Variants in DNAH14 observed in about 807,000 individuals in gnomAD.
DNAH14 encodes the protein dynein axonemal heavy chain 14.
In DNAH14, 478 loss-of-function variants were observed where a neutral mutation model predicts 520.9. The observed-to-expected ratio is 0.92, with a 90% CI of 0.85 to 0.99. The LOEUF (loss-of-function observed/expected upper bound fraction) is 0.99, where lower values mean the gene tolerates loss of function less well. Ranked by LOEUF, DNAH14 falls within the 50% of genes least tolerant of loss-of-function variation. The pLI, the probability that DNAH14 is intolerant of heterozygous loss-of-function variation, is 0.00. For synonymous variants in DNAH14, 1,581 were observed against 1,757.2 expected, an observed-to-expected ratio of 0.90 and a Z score of 2.51; for missense variants, 4,831 against 5,234.5, an observed-to-expected ratio of 0.92 and a Z score of 2.38.
intron 60 of DNAH14, among the ~76,000 whole-genome samples, chr1:225,313,531 T>G (rs954060985): frequency 3.3e-4 from 51 of 152,302 alleles, no homozygotes; most frequent in African/African-American, 1.2e-3. Flanking sequence ...AATTGTGATG[T>G]TAGGGTGTTG....
intron 66 of DNAH14, among the ~76,000 whole-genome samples, chr1:225,335,149 ACAT>A (rs1558423483): frequency 7.0e-6 from 1 of 142,892 alleles, no homozygotes; most frequent in African/African-American, 2.6e-5. Context: ...GCACATGTGT[ACAT>A]GTGTGCATGT....
chr1:224,958,157 G>A (rs545292064), intron 3 of DNAH14, among the ~76,000 whole-genome samples: 18 of 152,190 alleles, frequency 1.2e-4, no homozygotes, highest in African/African-American at 4.3e-4. Context: ...TGTTCCCTGG[G>A]AAGTAGGCTT....
intron 43 of DNAH14, among the ~76,000 whole-genome samples, chr1:225,245,100 A>G (rs144181633): frequency 1.2e-4 from 18 of 152,252 alleles, no homozygotes; most frequent in Non-Finnish European, 1.9e-4. Context: ...TTATTTGATT[A>G]TTTACCCAGT....
At chr1:225,233,521 C>T (rs1285634347) in intron 42 of DNAH14, among the ~76,000 whole-genome samples, 1 of 152,136 alleles carries the variant, frequency 6.6e-6, no homozygotes, top group Non-Finnish European at 1.5e-5. Context: ...GTGATGGTAG[C>T]TCGTTGTGGT....
At chr1:225,078,491 A>G (rs3105558) in intron 17 of DNAH14, among the ~76,000 whole-genome samples, 121,326 of 152,122 alleles carry the variant, frequency 0.8, 51,753 homozygotes, top group Non-Finnish European at 0.96. Context: ...TTATATGTGG[A>G]ATACATTCAA....
intron 55 of DNAH14, among the ~76,000 whole-genome samples, chr1:225,295,776 G>A (rs866757736): frequency 1.3e-5 from 2 of 152,096 alleles, no homozygotes; most frequent in South Asian, 2.1e-4. Flanking sequence ...TTGGTCTATG[G>A]TGCAATTTAA....
intron 53 of DNAH14, among the ~76,000 whole-genome samples, chr1:225,277,107 GGGA>G (rs1190794880): frequency 2.9e-5 from 3 of 104,048 alleles, no homozygotes; most frequent in African/African-American, 1.1e-4. Context: ...GGGGGAAAGG[GGGA>G]GGGGGGGAGG....
chr1:225,247,236 G>A (rs936967741), intron 43 of DNAH14, among the ~76,000 whole-genome samples: 4 of 152,048 alleles, frequency 2.6e-5, no homozygotes, highest in African/African-American at 9.7e-5. Context: ...CGGGGTGGGG[G>A]CAAGGGGAGG....
chr1:225,174,197 C>A (rs2083054259), intron 36 of DNAH14, among the ~76,000 whole-genome samples: 1 of 152,050 alleles, frequency 6.6e-6, no homozygotes, highest in Non-Finnish European at 1.5e-5. Context: ...ACCAACATGG[C>A]ACATGTATAC....
intron 11 of DNAH14, among the ~76,000 whole-genome samples, chr1:225,038,351 A>G (rs183129443): frequency 4.4e-4 from 67 of 152,098 alleles, no homozygotes; most frequent in Non-Finnish European, 8.1e-4. Flanking sequence ...AGTCTTCTTT[A>G]GGTTAAATCT....
chr1:225,214,391 C>G (rs12062189), intron 41 of DNAH14, among the ~76,000 whole-genome samples: 3 of 151,952 alleles, frequency 2.0e-5, no homozygotes, highest in Admixed American at 6.6e-5. Context: ...TGTCTCTGCC[C>G]AGCTTTGGTA....
intron 9 of DNAH14, among the ~76,000 whole-genome samples, chr1:225,004,816 C>G (rs1288867068): frequency 2.0e-5 from 3 of 151,958 alleles, no homozygotes; most frequent in Admixed American, 2.0e-4. Flanking sequence ...AGACTGACAA[C>G]GAGGATGTAA....
chr1:224,956,317 C>T lies in DNAH14; in HGVS notation c.217+1219C>T, dbSNP rs552645791. Among the ~76,000 whole-genome samples, 12 of 152,180 alleles carry T rather than the reference C, an allele frequency of 7.9e-5. No homozygotes were observed. In the East Asian group the frequency reaches 1.7e-3, roughly 22 times the overall value. On this transcript the variant is annotated intron_variant, in intron 3 of 85. Transcript: ENST00000682510. ...TAATATATAGTCATGTACTGCATAA[C>T]GACATTTTGGTCAATGATGGACTGA...
intron 22 of DNAH14, among the ~76,000 whole-genome samples, chr1:225,097,502 G>C (rs3105568): frequency 2.0e-5 from 3 of 151,942 alleles, no homozygotes; most frequent in African/African-American, 7.3e-5. Context: ...GGCTGGGCAC[G>C]TTCACTCACG....
chr1:224,951,120 G>A (rs1423137025), intron 1 of DNAH14, among the ~76,000 whole-genome samples: 2 of 152,052 alleles, frequency 1.3e-5, no homozygotes, highest in East Asian at 1.9e-4. Flanking sequence ...CTGCCTCCTG[G>A]GTTCTAGCGA....
chr1:225,350,501 C>A (rs184237206), intron 71 of DNAH14, among the ~76,000 whole-genome samples: 1 of 151,428 alleles, frequency 6.6e-6, no homozygotes, highest in Admixed American at 6.6e-5. Flanking sequence ...AATTTGCAAA[C>A]CTTGAGCTCA....
intron 54 of DNAH14, among the ~76,000 whole-genome samples, chr1:225,285,443 G>T (rs953319484): frequency 6.6e-6 from 1 of 152,130 alleles, no homozygotes; most frequent in African/African-American, 2.4e-5. Context: ...AGCTACTCAG[G>T]GTGACGCAGG....
In DNAH14 at chr1:224,929,745, C is replaced by A. The variant is rs2058551076; in HGVS notation, c.-124C>A. The A allele has an allele frequency of 1.4e-6, 1 of 702,248 alleles. No individual in the cohort carries two copies. Among genetic ancestry groups the A allele is most frequent in the Admixed American group, 2.0e-5 (1 of 49,996 alleles). The allele number at this position is 702,248 out of a possible 1,614,324, so 43.5% of individuals were successfully genotyped here. A position where few individuals can be genotyped will look rare whatever the true frequency, so the allele number is the denominator to read the frequency against. On this transcript the variant is annotated 5_prime_UTR_variant, in exon 1 of 86. Transcript: ENST00000682510. ...GCTGTGCTGCGCGGTCCTTCCCATT[C>A]ACCCTAGTCTGGCGCTCGCCGGCGT...
intron 22 of DNAH14, 91 bp from the exon 23 acceptor site, chr1:225,100,622 C>G (rs773508451): frequency 1.8e-5 from 18 of 1,001,714 alleles, no homozygotes; most frequent in Non-Finnish European, 2.4e-5. Context: ...TTTTATAACT[C>G]AAACAGTATT....
Sources: gnomAD v4.1 joint callset for allele counts (sites outside exome capture counted in the v4.1 genomes callset) on GRCh38, gnomAD v4.1.1 for gene constraint, MANE v1.5 for transcripts, NCBI Gene and HGNC (gene_info 2026-07-23, HGNC 2026-07-21) for gene names.